The following PSMA8 variants were observed in gnomAD, a reference collection of about 807,000 sequenced individuals.
PSMA8 encodes the protein proteasome subunit alpha-type 8.
PSMA8 carries 18 observed loss-of-function variants against 32.4 expected under a neutral mutation model. That is an observed-to-expected ratio of 0.56 (90% CI 0.38 to 0.82). PSMA8 has a LOEUF of 0.82. Among genes scored for constraint, PSMA8 ranks in the 40% least tolerant of loss-of-function variants. The pLI is 0.00. For synonymous variants in PSMA8, 104 were observed against 98.1 expected (o/e 1.06, Z -0.36); for missense variants, 298 against 300.7 (o/e 0.99, Z 0.07).
chr18:26,166,221 G>T (rs2055178904), intron 4 of PSMA8, among the ~76,000 whole-genome samples: 1 of 152,168 alleles, frequency 6.6e-6, no homozygotes, highest in African/African-American at 2.4e-5. Flanking sequence ...TAAAGGATTT[G>T]GCCAAATATG....
intron 1 of PSMA8, 134 bp downstream of exon 1, chr18:26,134,201 T>C: frequency 1.1e-5 from 7 of 644,344 alleles, no homozygotes; most frequent in Admixed American, 2.8e-5. Context: ...ATTACTTTGT[T>C]CTTTTTATTT....
chr18:26,139,661 A>G (rs1188248628), intron 1 of PSMA8, among the ~76,000 whole-genome samples: 3 of 152,210 alleles, frequency 2.0e-5, no homozygotes, highest in Non-Finnish European at 2.9e-5. Flanking sequence ...CTAAATATAG[A>G]CTATAGACTA....
chr18:26,181,300 T>A (rs2055309136), intron 6 of PSMA8, among the ~76,000 whole-genome samples: 3 of 152,318 alleles, frequency 2.0e-5, no homozygotes, highest in Non-Finnish European at 4.4e-5. Flanking sequence ...ATGAACTGCA[T>A]CCATATAAAA....
chr18:26,184,974 G>A (rs1465657956), intron 6 of PSMA8, among the ~76,000 whole-genome samples: 1 of 147,992 alleles, frequency 6.8e-6, no homozygotes, highest in Admixed American at 6.8e-5. Context: ...TGTAATTTCA[G>A]CTATTCAGGG....
At chr18:26,189,100 G>T (rs1406688495) in intron 6 of PSMA8, among the ~76,000 whole-genome samples, 2 of 152,076 alleles carry the variant, frequency 1.3e-5, no homozygotes. Context: ...TCTGACAAGG[G>T]TTTAATAACC....
At chr18:26,177,371 A>G (rs1287466029) in intron 4 of PSMA8, among the ~76,000 whole-genome samples, 3 of 152,202 alleles carry the variant, frequency 2.0e-5, no homozygotes, top group African/African-American at 7.2e-5. Flanking sequence ...AACAGTGATG[A>G]TATTGAGAAA....
At chr18:26,137,701 T>C (rs896994715) in intron 1 of PSMA8, among the ~76,000 whole-genome samples, 8 of 152,222 alleles carry the variant, frequency 5.3e-5, no homozygotes, top group African/African-American at 1.9e-4. Flanking sequence ...CTAGGTCACA[T>C]ACAAGATAGA....
rs145033174 is a variant in PSMA8 at position 26,178,957 on chromosome 18, A to C, written c.597+8A>C. The C allele has an allele frequency of 6.2e-7, 1 of 1,611,240 alleles. No homozygotes were observed. Among genetic ancestry groups the C allele is most frequent in the East Asian group, 2.2e-5 (1 of 44,818 alleles). On this transcript the variant is annotated splice_region_variant and intron_variant, in intron 5 of 6. Transcript: ENST00000415576. ...ATAAAAGCTTTGCTAGAAGTAAGTG[A>C]TCTAATAAAGCATATTCAGGAAATC...
intron 1 of PSMA8, among the ~76,000 whole-genome samples, chr18:26,135,534 T>C (rs1262266013): frequency 1.3e-5 from 2 of 152,134 alleles, no homozygotes; most frequent in African/African-American, 4.8e-5. Context: ...TGCTTCTGTT[T>C]TGCAAGTAAT....
intron 6 of PSMA8, among the ~76,000 whole-genome samples, chr18:26,184,773 CAAAA>C (rs1278227957): frequency 3.9e-5 from 3 of 77,018 alleles, no homozygotes; most frequent in Non-Finnish European, 2.6e-5. Flanking sequence ...GACTCTGTCT[CAAAA>C]AAAAAAAAAA....
rs577721315 is a variant in PSMA8, at chr18:26,165,791, A to G, written c.477+7547A>G. On this transcript the variant is annotated intron_variant, in intron 4 of 6. Transcript: ENST00000415576. ...ATTTGACCTGCCAGATTTGCTACTC[A>G]TTGTTTAAATTTGAAAAACTACGGC... 1.5e-3 allele frequency among the ~76,000 whole-genome samples: 229 copies of G among 152,226 alleles called. 1 individual carries two copies. The highest frequency in any genetic ancestry group is 5.4e-3 in the African/African-American group (226 of 41,538).
intron 2 of PSMA8, among the ~76,000 whole-genome samples, chr18:26,146,155 C>T (rs920089728): frequency 5.4e-5 from 8 of 148,288 alleles, no homozygotes; most frequent in Non-Finnish European, 8.9e-5. Flanking sequence ...GCAAATAAGA[C>T]ATGCCTCTTG....
At chr18:26,167,076 G>A (rs1281417953) in intron 4 of PSMA8, among the ~76,000 whole-genome samples, 1 of 152,054 alleles carries the variant, frequency 6.6e-6, no homozygotes, top group Non-Finnish European at 1.5e-5. Context: ...AATCCCTATT[G>A]ACTATTAGAA....
At chr18:26,174,100 T>C (rs1160862562) in intron 4 of PSMA8, among the ~76,000 whole-genome samples, 1 of 152,338 alleles carries the variant, frequency 6.6e-6, no homozygotes, top group Admixed American at 6.5e-5. Context: ...GTTTTAAGCA[T>C]TCAAGTTTCA....
intron 4 of PSMA8, among the ~76,000 whole-genome samples, chr18:26,159,996 T>G (rs1364196246): frequency 6.6e-6 from 1 of 152,236 alleles, no homozygotes; most frequent in Non-Finnish European, 1.5e-5. Context: ...TGATTTTTGT[T>G]GCTGTTGTTA....
At chr18:26,141,902 T>A (rs1453691360) in intron 1 of PSMA8, among the ~76,000 whole-genome samples, 1 of 151,776 alleles carries the variant, frequency 6.6e-6, no homozygotes, top group Non-Finnish European at 1.5e-5. Flanking sequence ...CCCAGGCTAG[T>A]CTGAAACTCT....
chr18:26,147,331 T>C (rs1598645912), intron 2 of PSMA8, among the ~76,000 whole-genome samples: 1 of 151,924 alleles, frequency 6.6e-6, no homozygotes. Context: ...CACGTGGAGT[T>C]AAGCAATATA....
chr18:26,188,858 TA>T (rs1340992371), intron 6 of PSMA8, among the ~76,000 whole-genome samples: 2 of 152,134 alleles, frequency 1.3e-5, no homozygotes, highest in Non-Finnish European at 2.9e-5. Context: ...ATTAAAGACT[TA>T]AGCCTGTGAC....
intron 1 of PSMA8, chr18:26,140,049 A>G (rs1279596655): frequency 5.7e-6 from 4 of 702,876 alleles, no homozygotes; most frequent in Non-Finnish European, 7.8e-6. Flanking sequence ...TGGTAGTATC[A>G]TGTTTCTCTG....
Sources: gnomAD v4.1 joint callset for allele counts (sites outside exome capture counted in the v4.1 genomes callset) on GRCh38, gnomAD v4.1.1 for gene constraint, MANE v1.5 for transcripts, NCBI Gene and HGNC (gene_info 2026-07-23, HGNC 2026-07-21) for gene names.